The following TUSC3 variants were observed in gnomAD, a reference collection of about 807,000 sequenced individuals.
TUSC3 encodes the protein dolichyl-diphosphooligosaccharide--protein glycosyltransferase subunit TUSC3.
A neutral mutation model predicts 44.8 loss-of-function variants in TUSC3; 45 were observed. That is an observed-to-expected ratio of 1.00 (90% confidence interval 0.79 to 1.29). The LOEUF (loss-of-function observed/expected upper bound fraction) is 1.29. Ranked by LOEUF, TUSC3 falls within the 50% of genes most tolerant of loss-of-function variation. TUSC3 has a pLI of 0.00. For synonymous variants in TUSC3, 212 were observed against 152.9 expected, an observed-to-expected ratio of 1.39 and a Z score of -2.85; for missense variants, 519 against 437.9, an observed-to-expected ratio of 1.19 and a Z score of -1.65.
At chr8:15,635,819 A>G (rs1806045856) in intron 2 of TUSC3, among the ~76,000 whole-genome samples, 1 of 152,172 alleles carries the variant, frequency 6.6e-6, no homozygotes, top group African/African-American at 2.4e-5. Context: ...GCCAGGTAGC[A>G]ATGGTGGTGA....
chr8:15,683,131 G>T (rs1458765582), intron 6 of TUSC3, among the ~76,000 whole-genome samples: 5 of 152,228 alleles, frequency 3.3e-5, no homozygotes, highest in Admixed American at 6.5e-5. Context: ...TTGCCTTGGG[G>T]ATGGTCAACT....
intron 1 of TUSC3, among the ~76,000 whole-genome samples, chr8:15,589,970 G>T (rs1026506912): frequency 6.6e-6 from 1 of 152,104 alleles, no homozygotes; most frequent in Non-Finnish European, 1.5e-5. Flanking sequence ...TTTGGTAGGC[G>T]TAGATTTCAC....
chr8:15,684,632 G>A (rs888473906), intron 6 of TUSC3, among the ~76,000 whole-genome samples: 1 of 152,156 alleles, frequency 6.6e-6, no homozygotes, highest in African/African-American at 2.4e-5. Flanking sequence ...TATGAAAGGA[G>A]GGATGCCCAG....
intron 2 of TUSC3, among the ~76,000 whole-genome samples, chr8:15,496,219 T>G (rs1800878426): frequency 6.6e-6 from 1 of 152,204 alleles, no homozygotes; most frequent in African/African-American, 2.4e-5. Context: ...ATTTTCTAGC[T>G]TCACACAGCA....
intron 2 of TUSC3, among the ~76,000 whole-genome samples, chr8:15,643,177 C>T (rs928293380): frequency 3.9e-5 from 6 of 152,094 alleles, no homozygotes; most frequent in East Asian, 1.9e-4. Context: ...TTTTGCCTTC[C>T]GCCATGATCA....
intron 2 of TUSC3, among the ~76,000 whole-genome samples, chr8:15,510,415 C>T (rs553951912): frequency 6.6e-6 from 1 of 152,130 alleles, no homozygotes; most frequent in Admixed American, 6.5e-5. Context: ...AATGACATCA[C>T]TACAGAAATT....
chr8:15,638,121 A>G (rs974184259), intron 2 of TUSC3, among the ~76,000 whole-genome samples: 1 of 152,014 alleles, frequency 6.6e-6, no homozygotes, highest in African/African-American at 2.4e-5. Flanking sequence ...AGTGTTTTCA[A>G]ATTCAGCTGA....
At chr8:15,445,777 C>T (rs941538679) in intron 1 of TUSC3, among the ~76,000 whole-genome samples, 2 of 152,354 alleles carry the variant, frequency 1.3e-5, no homozygotes, top group Admixed American at 6.5e-5. Flanking sequence ...TCCCCCTTTT[C>T]TATTCGACAA....
At chr8:15,509,556 C>T (rs936301417) in intron 2 of TUSC3, among the ~76,000 whole-genome samples, 6 of 151,756 alleles carry the variant, frequency 4.0e-5, no homozygotes, top group African/African-American at 9.7e-5. Flanking sequence ...TGCAGTGAGC[C>T]GAGATTGTGC....
the TUSC3 span, among the ~76,000 whole-genome samples, chr8:15,789,921 G>C: frequency 6.6e-6 from 1 of 152,118 alleles, no homozygotes; most frequent in Admixed American, 6.5e-5. Flanking sequence ...CTCTGCCCAG[G>C]AAAGAATTAA....
At chr8:15,692,901 A>C (rs1808982121) in intron 6 of TUSC3, among the ~76,000 whole-genome samples, 1 of 152,040 alleles carries the variant, frequency 6.6e-6, no homozygotes, top group African/African-American at 2.4e-5. Flanking sequence ...TGAGCCCTTT[A>C]CCACTATGTA....
At chr8:15,632,270 TC>T (rs1805806752) in intron 2 of TUSC3, among the ~76,000 whole-genome samples, 1 of 152,164 alleles carries the variant, frequency 6.6e-6, no homozygotes, top group South Asian at 2.1e-4. Flanking sequence ...ACTTTTTTTT[TC>T]CCTGAGGAAT....
chr8:15,535,682 T>TCC (rs1291132800), upstream of TUSC3, among the ~76,000 whole-genome samples: 29 of 152,240 alleles, frequency 1.9e-4, no homozygotes, highest in African/African-American at 6.7e-4. Context: ...GGAGTTTGCA[T>TCC]CCTAACGGGG....
upstream of TUSC3, among the ~76,000 whole-genome samples, chr8:15,535,749 TA>T (rs1174405850): frequency 4.6e-5 from 7 of 152,174 alleles, no homozygotes; most frequent in Non-Finnish European, 7.4e-5. Flanking sequence ...AGCAGTACTA[TA>T]AAAAGTTAAG....
intron 1 of TUSC3, among the ~76,000 whole-genome samples, chr8:15,443,016 G>A (rs577619239): frequency 1.2e-4 from 18 of 152,196 alleles, no homozygotes; most frequent in Admixed American, 3.3e-4. Flanking sequence ...TTTCTGTCCA[G>A]TAACCCCTTC....
At chr8:15,455,421 CTATGTATACACGTA>C (rs1388015876) in intron 1 of TUSC3, among the ~76,000 whole-genome samples, 2 of 151,802 alleles carry the variant, frequency 1.3e-5, no homozygotes, top group South Asian at 2.1e-4. Context: ...ACATACACAC[CTATGTATACACGTA>C]TATGTATACA....
chr8:15,746,821 T>C (rs2129216669), intron 8 of TUSC3, among the ~76,000 whole-genome samples: 1 of 152,246 alleles, frequency 6.6e-6, no homozygotes, highest in South Asian at 2.1e-4. Flanking sequence ...AGTAAATAAT[T>C]TTGTAATTAA....
intron 6 of TUSC3, among the ~76,000 whole-genome samples, chr8:15,703,930 T>C (rs1410575730): frequency 6.6e-6 from 1 of 152,168 alleles, no homozygotes; most frequent in Non-Finnish European, 1.5e-5. Flanking sequence ...TGCTCTATGC[T>C]GTCTTAAGCA....
chr8:15,826,488 A>C, the TUSC3 span, among the ~76,000 whole-genome samples: 1 of 152,206 alleles, frequency 6.6e-6, no homozygotes, highest in African/African-American at 2.4e-5. Context: ...GCAACTATTT[A>C]GAGAAAACAC....
Sources: gnomAD v4.1 joint callset for allele counts (sites outside exome capture counted in the v4.1 genomes callset) on GRCh38, gnomAD v4.1.1 for gene constraint, MANE v1.5 for transcripts, NCBI Gene and HGNC (gene_info 2026-07-23, HGNC 2026-07-21) for gene names.